NAA11: variants seen among roughly 807,000 people sequenced by gnomAD.
NAA11 encodes N-alpha-acetyltransferase 11, NatA catalytic subunit, also known as N-alpha-acetyltransferase 11.
A neutral mutation model predicts 16.1 loss-of-function variants in NAA11; 15 were observed. The ratio of observed to expected loss-of-function variants is 0.93; its 90% CI spans 0.62 to 1.44. NAA11 has a LOEUF of 1.44. NAA11 is among the 40% of genes most tolerant of loss of function. The pLI, the probability that NAA11 is intolerant of heterozygous loss-of-function variation, is 0.00. For missense variants in NAA11, 298 were observed against 291.3 expected (o/e 1.02, Z -0.17); for synonymous variants, 122 against 112.4 (o/e 1.09, Z -0.54).
At chr4:79,233,007 G>C (rs149766174) in intron 2 of NAA11, among the ~76,000 whole-genome samples, 2,450 of 152,076 alleles carry the variant, frequency 0.016, 42 homozygotes, top group Middle Eastern at 0.088. Flanking sequence ...TAAAGTTGAT[G>C]GTGGGGATTA....
At chr4:79,166,715 A>G in the NAA11 span, among the ~76,000 whole-genome samples, 1 of 148,518 alleles carries the variant, frequency 6.7e-6, no homozygotes, top group Non-Finnish European at 1.5e-5. Context: ...TAAAAAATAC[A>G]AAAATTAGCT....
At chr4:79,205,143 G>C in the NAA11 span, among the ~76,000 whole-genome samples, 13 of 151,962 alleles carry the variant, frequency 8.6e-5, no homozygotes, top group Admixed American at 8.6e-4. Flanking sequence ...TGAGGTTGTA[G>C]TTTTGATATA....
chr4:79,270,816 C>G (rs1722476665), intron 2 of NAA11, among the ~76,000 whole-genome samples: 1 of 48,500 alleles, frequency 2.1e-5, no homozygotes, highest in Non-Finnish European at 3.6e-5. Flanking sequence ...AAGCCTTTGA[C>G]AAAATTCAAC....
At chr4:79,266,944 A>G (rs1277008970) in intron 2 of NAA11, among the ~76,000 whole-genome samples, 1 of 152,226 alleles carries the variant, frequency 6.6e-6, no homozygotes, top group East Asian at 1.9e-4. Flanking sequence ...ACCAACTCAT[A>G]GATTTTAAAC....
At chr4:79,164,202 TCA>T in the NAA11 span, among the ~76,000 whole-genome samples, 220 of 152,334 alleles carry the variant, frequency 1.4e-3, 3 homozygotes, top group African/African-American at 5.0e-3. Flanking sequence ...CCCACTGCAG[TCA>T]CTATTGTAGT....
At chr4:79,245,852 G>A (rs1387739692) in intron 2 of NAA11, among the ~76,000 whole-genome samples, 1 of 152,130 alleles carries the variant, frequency 6.6e-6, no homozygotes, top group Non-Finnish European at 1.5e-5. Context: ...GAGCCCCTCT[G>A]CCCGGCGGCC....
At chr4:79,223,552 G>A (rs907323321), downstream of NAA11, among the ~76,000 whole-genome samples, 3 of 149,336 alleles carry the variant, frequency 2.0e-5, no homozygotes, top group East Asian at 2.0e-4. Flanking sequence ...GCTAGATGAC[G>A]AGTTAGTGGG....
At chr4:79,320,774 G>C (rs1724066661) in intron 1 of NAA11, among the ~76,000 whole-genome samples, 1 of 152,114 alleles carries the variant, frequency 6.6e-6, no homozygotes. Context: ...AGTACAGATA[G>C]GGAAAATGAA....
At chr4:79,227,158 T>A (rs2109952936) in intron 2 of NAA11, 1 of 152,244 alleles carries the variant, frequency 6.6e-6, no homozygotes, top group East Asian at 1.9e-4. Flanking sequence ...GTGGTTTTGA[T>A]TTGCATTTCT....
chr4:79,210,380 A>G, the NAA11 span, among the ~76,000 whole-genome samples: 1 of 152,140 alleles, frequency 6.6e-6, no homozygotes, highest in Non-Finnish European at 1.5e-5. Flanking sequence ...AGGCTGGCTA[A>G]TCAGCTAAGA....
chr4:79,242,684 G>C (rs569978560), intron 2 of NAA11, among the ~76,000 whole-genome samples: 1 of 152,170 alleles, frequency 6.6e-6, no homozygotes, highest in South Asian at 2.1e-4. Context: ...ACTTATCTAT[G>C]AGATTTGGAA....
intron 2 of NAA11, chr4:79,258,911 C>A: frequency 5.2e-6 from 1 of 193,470 alleles, no homozygotes; most frequent in Non-Finnish European, 1.1e-5. Flanking sequence ...CTACTCATTC[C>A]AGGGCCTCCT....
At chr4:79,169,268 A>G in the NAA11 span, among the ~76,000 whole-genome samples, 1 of 152,220 alleles carries the variant, frequency 6.6e-6, no homozygotes, top group Non-Finnish European at 1.5e-5. Flanking sequence ...TAAATTTCAT[A>G]TGGAATAAAA....
the NAA11 span, among the ~76,000 whole-genome samples, chr4:79,173,684 G>A: frequency 3.9e-5 from 6 of 152,146 alleles, no homozygotes; most frequent in Admixed American, 1.3e-4. Context: ...AGATATTCTC[G>A]TGGGGGAGAA....
chr4:79,303,426 G>C (rs551512298), intron 1 of NAA11, among the ~76,000 whole-genome samples: 1 of 151,852 alleles, frequency 6.6e-6, no homozygotes, highest in East Asian at 1.9e-4. Context: ...AGCCTGGGAC[G>C]ACAGGTGCGC....
At chr4:79,258,042 G>A (rs1487368108) in intron 2 of NAA11, among the ~76,000 whole-genome samples, 1 of 152,266 alleles carries the variant, frequency 6.6e-6, no homozygotes, top group Non-Finnish European at 1.5e-5. Context: ...CAGCTGCAGT[G>A]GAAAGGTGTG....
At chr4:79,186,979 G>A in the NAA11 span, among the ~76,000 whole-genome samples, 3 of 152,182 alleles carry the variant, frequency 2.0e-5, no homozygotes, top group African/African-American at 7.2e-5. Context: ...TTGGGGACTA[G>A]TGTAATAAAC....
At chr4:79,226,817 C>T (rs1370996218) in intron 2 of NAA11, among the ~76,000 whole-genome samples, 1 of 151,988 alleles carries the variant, frequency 6.6e-6, no homozygotes, top group African/African-American at 2.4e-5. Context: ...TTTTCTTAAT[C>T]CAGTCTATCA....
chr4:79,288,161 A>T (rs1560450434), intron 2 of NAA11, among the ~76,000 whole-genome samples: 1 of 152,154 alleles, frequency 6.6e-6, no homozygotes, highest in Non-Finnish European at 1.5e-5. Context: ...AGGTCAGCAA[A>T]TCAGAATTGT....
Sources: allele counts gnomAD v4.1 joint callset (sites outside exome capture counted in the v4.1 genomes callset), GRCh38; gene constraint gnomAD v4.1.1; transcripts MANE v1.5; gene names NCBI Gene and HGNC (gene_info 2026-07-23, HGNC 2026-07-21).